Variants in PAQR5 observed in about 807,000 individuals in gnomAD.
PAQR5 encodes the protein progestin and adipoQ receptor family member 5, also known as membrane progestin receptor gamma.
A neutral mutation model predicts 34.5 loss-of-function variants in PAQR5; 20 were observed. The ratio of observed to expected loss-of-function variants is 0.58; its 90% CI spans 0.41 to 0.84. The LOEUF (loss-of-function observed/expected upper bound fraction) is 0.84. PAQR5 is among the 40% of genes least tolerant of loss of function. The pLI is 0.00. For missense variants in PAQR5, 378 were observed against 412.7 expected (o/e 0.92, Z 0.73); for synonymous variants, 131 against 155.6 (o/e 0.84, Z 1.18).
intron 2 of PAQR5, among the ~76,000 whole-genome samples, chr15:69,341,265 A>G (rs1017733390): frequency 2.0e-5 from 3 of 146,974 alleles, no homozygotes; most frequent in Non-Finnish European, 4.4e-5. Context: ...CAATGGAATC[A>G]TACAATATTT....
At chr15:69,361,794 G>T (rs1045082540) in intron 3 of PAQR5, among the ~76,000 whole-genome samples, 1 of 152,172 alleles carries the variant, frequency 6.6e-6, no homozygotes, top group African/African-American at 2.4e-5. Flanking sequence ...TTTGAATGGG[G>T]ACACAGAGCC....
intron 2 of PAQR5, among the ~76,000 whole-genome samples, chr15:69,346,252 G>A (rs1438122280): frequency 1.4e-5 from 2 of 145,874 alleles, no homozygotes; most frequent in Non-Finnish European, 3.0e-5. Flanking sequence ...AGGAATCAGT[G>A]ACCACACATG....
At chr15:69,336,665 C>T (rs1354532729) in intron 1 of PAQR5, among the ~76,000 whole-genome samples, 3 of 152,056 alleles carry the variant, frequency 2.0e-5, no homozygotes, top group Admixed American at 2.0e-4. Context: ...AACAGGTGCT[C>T]TTAAATGCAG....
intron 8 of PAQR5, among the ~76,000 whole-genome samples, chr15:69,400,459 C>G (rs911241746): frequency 6.6e-6 from 1 of 152,060 alleles, no homozygotes; most frequent in Non-Finnish European, 1.5e-5. Flanking sequence ...GTTGGGAGGC[C>G]AAGGTGGGCA....
At chr15:69,306,962 A>G (rs1239907359) in intron 1 of PAQR5, among the ~76,000 whole-genome samples, 1 of 152,162 alleles carries the variant, frequency 6.6e-6, no homozygotes. Context: ...GTGACTGGCT[A>G]ATTTCACTTA....
Position 69,360,096 on chromosome 15 carries a change from C to A in PAQR5, c.16C>A (p.Leu6Ile). The change falls in exon 3 of 9, where the codon CTC becomes ATC. Residue 6 changes from leucine (L) to isoleucine (I), a missense_variant. Leu to Ile is a conservative substitution (Grantham distance 5, BLOSUM62 2). Coordinates refer to ENST00000395407, the MANE Select transcript of PAQR5 (RefSeq NM_017705.4). MLSLK[L>I]PRLFSIDQIP... ...CAGCTCCAAGATGCTGAGCCTGAAGCTCCCCAGGCTGTTTAGCATAGACCA... is the reference window on the plus strand; with the variant it reads ...CAGCTCCAAGATGCTGAGCCTGAAGATCCCCAGGCTGTTTAGCATAGACCA... 1.2e-6 allele frequency: 2 copies of A among 1,613,714 alleles called. No homozygotes were observed. The highest frequency in any genetic ancestry group is 1.7e-6 in the Non-Finnish European group (2 of 1,179,618).
intron 1 of PAQR5, among the ~76,000 whole-genome samples, chr15:69,322,750 A>ATG (rs1566997776): frequency 2.5e-5 from 1 of 40,434 alleles, no homozygotes; most frequent in Non-Finnish European, 5.1e-5. Context: ...GAAGAAGAAG[A>ATG]AGAAGAAGAA....
intron 4 of PAQR5, chr15:69,382,823 T>TCC (rs370856001): frequency 1.9e-4 from 2 of 10,666 alleles, no homozygotes; most frequent in Non-Finnish European, 7.5e-4. Context: ...TATATATATA[T>TCC]ATATATATAT....
In PAQR5 at chr15:69,406,248, C is replaced by A. The variant is rs1173229543; in HGVS notation, c.*2426C>A. The stretch of plus-strand genomic sequence containing the variant: ...CACATTCCTAATGGGATGTACCTCT[C>A]CCCACTCCCCTTGCTTGAGAAGCAC... On this transcript the variant is annotated 3_prime_UTR_variant, in exon 9 of 9. Transcript: ENST00000395407. 6.6e-6 allele frequency: 1 copy of A among 152,138 alleles called. No individual in the cohort carries two copies. Among genetic ancestry groups the A allele is most frequent in the African/African-American group, 2.4e-5 (1 of 41,422 alleles). The allele number at this position is 152,138 out of a possible 1,614,324, so 9.4% of individuals were successfully genotyped here.
chr15:69,332,457 T>C (rs1176306764), intron 1 of PAQR5, among the ~76,000 whole-genome samples: 1 of 152,162 alleles, frequency 6.6e-6, no homozygotes, highest in East Asian at 1.9e-4. Context: ...GGGGTTCATG[T>C]CATAGTCCTA....
At chr15:69,386,260 C>T (rs541370172) in intron 5 of PAQR5, among the ~76,000 whole-genome samples, 1 of 150,944 alleles carries the variant, frequency 6.6e-6, no homozygotes, top group African/African-American at 2.4e-5. Flanking sequence ...ACACACACAT[C>T]ACACACACCA....
intron 1 of PAQR5, among the ~76,000 whole-genome samples, chr15:69,324,129 C>CAAAAAAAAAAAAAAAAA (rs55634756): frequency 1.5e-5 from 2 of 135,468 alleles, no homozygotes; most frequent in African/African-American, 5.5e-5. Flanking sequence ...ATAGCTAGGG[C>CAAAAAAAAAAAAAAAAA]AAAAAAAAAA....
At chr15:69,380,111 T>C in intron 4 of PAQR5, 101 bp downstream of exon 4, 5 of 1,338,282 alleles carry the variant, frequency 3.7e-6, no homozygotes, top group Non-Finnish European at 5.2e-6. Flanking sequence ...GATTCTGTGC[T>C]GGGGTTTGGG....
intron 5 of PAQR5, among the ~76,000 whole-genome samples, chr15:69,386,259 TCACACACACCACATACATA>T (rs994159693): frequency 6.1e-5 from 9 of 146,486 alleles, no homozygotes; most frequent in African/African-American, 1.8e-4. Context: ...CACACACACA[TCACACACACCACATACATA>T]CACACACACC....
intron 3 of PAQR5, among the ~76,000 whole-genome samples, chr15:69,361,711 A>C (rs748194996): frequency 6.6e-6 from 1 of 152,208 alleles, no homozygotes; most frequent in East Asian, 1.9e-4. Flanking sequence ...CAACACCCCC[A>C]TGATCCAATC....
At chr15:69,345,154 G>GGAAA (rs777398194) in intron 2 of PAQR5, among the ~76,000 whole-genome samples, 12 of 150,008 alleles carry the variant, frequency 8.0e-5, no homozygotes, top group East Asian at 1.9e-4. Flanking sequence ...AAAGAAGAAA[G>GGAAA]GAAAGAAAGA....
In PAQR5 at chr15:69,380,224, T is replaced by C; in HGVS notation, c.179+214T>C. On this transcript the variant is annotated intron_variant, in intron 4 of 8. Coordinates refer to ENST00000395407, the MANE Select transcript of PAQR5 (RefSeq NM_017705.4). ...TTTAAGGCATGGACTGGGGTAAGAT[T>C]TGAGGGGAAATCCCAAAAGTGCCTC... 5.8e-6 allele frequency: 3 copies of C among 518,156 alleles called. No individual in the cohort carries two copies. In the South Asian group the frequency reaches 8.2e-5, roughly 14 times the overall value. 32.1% of individuals were successfully genotyped at this position (518,156 alleles called of 1,614,324 possible). A position where few individuals can be genotyped will look rare whatever the true frequency, so the allele number is the denominator to read the frequency against.
chr15:69,364,667 G>A (rs1016992593), intron 3 of PAQR5, among the ~76,000 whole-genome samples: 9 of 150,850 alleles, frequency 6.0e-5, no homozygotes, highest in African/African-American at 2.2e-4. Context: ...GTGTGTATAA[G>A]TAATCTTTTC....
intron 3 of PAQR5, among the ~76,000 whole-genome samples, chr15:69,365,319 G>A (rs2055373496): frequency 6.6e-6 from 1 of 151,086 alleles, no homozygotes; most frequent in Admixed American, 6.6e-5. Flanking sequence ...TGTTGGCCAG[G>A]CTGGTCTCAA....
Sources: allele counts gnomAD v4.1 joint callset (sites outside exome capture counted in the v4.1 genomes callset), GRCh38; gene constraint gnomAD v4.1.1; transcripts MANE v1.5; gene names NCBI Gene and HGNC (gene_info 2026-07-23, HGNC 2026-07-21).